The following ERC1 variants were observed in gnomAD, a reference collection of about 807,000 sequenced individuals.
The protein encoded by ERC1 is ELKS/RAB6-interacting/CAST family member 1.
Under a neutral mutation model 132.0 loss-of-function variants are expected in ERC1, and 56 were observed. The observed-to-expected ratio is 0.42, with a 90% CI of 0.34 to 0.53. ERC1 has a LOEUF of 0.53. Among genes scored for constraint, ERC1 ranks in the 20% least tolerant of loss-of-function variants. The probability of loss-of-function intolerance (pLI) is 0.03; values close to 1 mark genes in which losing one functional copy is unlikely to be tolerated. For missense variants in ERC1, 1,202 were observed against 1,349.9 expected (o/e 0.89, Z 1.72); for synonymous variants, 478 against 476.1 (o/e 1.00, Z -0.05).
chr12:1,486,550 G>A (rs1208639198), intron 18 of ERC1, among the ~76,000 whole-genome samples: 1 of 152,002 alleles, frequency 6.6e-6, no homozygotes, highest in African/African-American at 2.4e-5. Context: ...TCAGCCTCCC[G>A]AGTAGCTGGG....
At chr12:1,408,040 G>A (rs1161080760) in intron 16 of ERC1, 109 bp from the exon 17 acceptor site, 14 of 698,412 alleles carry the variant, frequency 2.0e-5, no homozygotes, top group Non-Finnish European at 3.2e-5. Flanking sequence ...TTTTATTGCA[G>A]ACAGGATTAG....
chr12:1,028,592 A>C lies in ERC1; in HGVS notation c.669+20A>C, dbSNP rs1241531615. On this transcript the variant is annotated intron_variant, in intron 2 of 18. Transcript: ENST00000360905. Reference sequence around the variant, plus strand: ...AACCAGGTAAGTTCTACGTGTGTTTACCTTTATTGGCTGAATTCATGTATA... The same window carrying C: ...AACCAGGTAAGTTCTACGTGTGTTTCCCTTTATTGGCTGAATTCATGTATA... 2.5e-6 allele frequency: 4 copies of C among 1,569,750 alleles called. No individual in the cohort carries two copies. The highest frequency in any genetic ancestry group is 3.5e-6 in the Non-Finnish European group (4 of 1,156,636).
chr12:1,070,633 C>T (rs997049441), intron 2 of ERC1, among the ~76,000 whole-genome samples: 1 of 152,098 alleles, frequency 6.6e-6, no homozygotes, highest in Admixed American at 6.6e-5. Context: ...TTAAGAGATT[C>T]TCTTGAATAT....
intron 18 of ERC1, among the ~76,000 whole-genome samples, chr12:1,471,345 A>G (rs896666130): frequency 2.0e-5 from 3 of 151,098 alleles, no homozygotes; most frequent in African/African-American, 7.4e-5. Context: ...GAAAAAACTG[A>G]AATTATCTCA....
chr12:1,245,835 T>C (rs114481061), intron 13 of ERC1, among the ~76,000 whole-genome samples: 2,066 of 152,358 alleles, frequency 0.014, 59 homozygotes, highest in African/African-American at 0.046. Context: ...CTTTGTGTTT[T>C]GGACAGTTAA....
chr12:1,418,059 A>G (rs1393751596), intron 17 of ERC1, among the ~76,000 whole-genome samples: 4 of 152,218 alleles, frequency 2.6e-5, no homozygotes, highest in African/African-American at 9.6e-5. Context: ...TACCTGGTAC[A>G]CAGTAGAAGC....
chr12:1,445,222 A>ATTTTTTTTT (rs137864873), intron 18 of ERC1, among the ~76,000 whole-genome samples: 3 of 90,726 alleles, frequency 3.3e-5, no homozygotes, highest in African/African-American at 1.1e-4. Flanking sequence ...TGTACAGTAG[A>ATTTTTTTTT]TTTTTTTTTT....
chr12:1,097,065 CT>C (rs1203070885), intron 3 of ERC1, among the ~76,000 whole-genome samples: 1 of 152,166 alleles, frequency 6.6e-6, no homozygotes, highest in African/African-American at 2.4e-5. Flanking sequence ...CTTTAAATCT[CT>C]TAATTACCGA....
intron 12 of ERC1, among the ~76,000 whole-genome samples, chr12:1,233,470 CAAAAAAAAA>C (rs60542316): frequency 2.8e-5 from 2 of 71,498 alleles, no homozygotes; most frequent in African/African-American, 1.0e-4. Context: ...GACCCTGTCT[CAAAAAAAAA>C]AAAAAAAAAA....
chr12:1,122,870 G>A (rs1947735131), intron 7 of ERC1, among the ~76,000 whole-genome samples: 1 of 152,182 alleles, frequency 6.6e-6, no homozygotes, highest in African/African-American at 2.4e-5. Flanking sequence ...TGATATTCAA[G>A]TCTGCTTGTG....
intron 8 of ERC1, among the ~76,000 whole-genome samples, chr12:1,159,054 G>A (rs1001159450): frequency 1.3e-5 from 2 of 152,070 alleles, no homozygotes; most frequent in African/African-American, 4.8e-5. Context: ...ATTTATACAT[G>A]TTCAATAAGA....
chr12:1,176,337 G>T (rs1953713957), intron 8 of ERC1, among the ~76,000 whole-genome samples: 1 of 152,142 alleles, frequency 6.6e-6, no homozygotes, highest in Non-Finnish European at 1.5e-5. Context: ...TGAGCAGTAG[G>T]TCTCCACAGT....
At chr12:1,288,577 CTTTG>C (rs1167744973) in intron 14 of ERC1, among the ~76,000 whole-genome samples, 2 of 152,202 alleles carry the variant, frequency 1.3e-5, no homozygotes, top group Non-Finnish European at 2.9e-5. Flanking sequence ...AACGTGGAAA[CTTTG>C]TTTAGGTAGG....
chr12:1,273,823 G>C (rs2078055107), intron 14 of ERC1, among the ~76,000 whole-genome samples: 1 of 152,256 alleles, frequency 6.6e-6, no homozygotes. Context: ...ATAGTTAGTA[G>C]ATACTAGTTA....
At chr12:1,053,699 C>A (rs976005734) in intron 2 of ERC1, among the ~76,000 whole-genome samples, 5 of 152,170 alleles carry the variant, frequency 3.3e-5, no homozygotes, top group African/African-American at 1.2e-4. Flanking sequence ...TTCCCTCTTG[C>A]TAGAACTCTT....
chr12:1,440,508 T>C (rs2093106183), intron 17 of ERC1, among the ~76,000 whole-genome samples: 1 of 143,724 alleles, frequency 7.0e-6, no homozygotes, highest in African/African-American at 2.8e-5. Flanking sequence ...GCCCGGCCTT[T>C]TTTTTTTTTT....
chr12:1,222,000 G>A (rs1373758979), intron 12 of ERC1, among the ~76,000 whole-genome samples: 4 of 152,186 alleles, frequency 2.6e-5, no homozygotes, highest in African/African-American at 9.7e-5. Flanking sequence ...CAGCCAGGCT[G>A]TAAGGTATAG....
intron 1 of ERC1, among the ~76,000 whole-genome samples, chr12:1,011,577 G>A (rs1964691734): frequency 6.6e-6 from 1 of 152,076 alleles, no homozygotes; most frequent in Admixed American, 6.6e-5. Context: ...AAAAAACTAG[G>A]TTTCAGCTCA....
At position 1,146,777 on chromosome 12, in the gene ERC1, C is replaced by CA. The variant is rs969298617; in HGVS notation, c.1737+4990_1737+4991insA. Among the ~76,000 whole-genome samples the CA allele has an allele frequency of 3.3e-5, 5 of 151,054 alleles. 1 individual carries two copies. The highest frequency in any genetic ancestry group is 9.8e-5 in the African/African-American group (4 of 40,748). On this transcript the variant is annotated intron_variant, in intron 8 of 18. Transcript: ENST00000360905. ...CTCCTAATGCTATCCCTCCCCCAAC[C>CA]CCCACCCCACAACAGTCCCCGGAGT...
Sources: gnomAD v4.1 joint callset for allele counts (sites outside exome capture counted in the v4.1 genomes callset) on GRCh38, gnomAD v4.1.1 for gene constraint, MANE v1.5 for transcripts, NCBI Gene and HGNC (gene_info 2026-07-23, HGNC 2026-07-21) for gene names.